KLHL20: variants seen among roughly 807,000 people sequenced by gnomAD.
KLHL20 encodes kelch like family member 20.
Under a neutral mutation model 69.5 loss-of-function variants are expected in KLHL20, and 29 were observed. That is an observed-to-expected ratio of 0.42 (90% CI 0.31 to 0.57). The LOEUF (loss-of-function observed/expected upper bound fraction) is 0.57. Among genes scored for constraint, KLHL20 ranks in the 20% least tolerant of loss-of-function variants. The pLI is 0.18. For missense variants in KLHL20, 419 were observed against 776.0 expected (o/e 0.54, Z 5.47); for synonymous variants, 253 against 265.2 (o/e 0.95, Z 0.45).
chr1:173,731,858 G>A (rs1672294158), intron 2 of KLHL20, among the ~76,000 whole-genome samples: 1 of 151,908 alleles, frequency 6.6e-6, no homozygotes, highest in African/African-American at 2.4e-5. Context: ...AAAACTTAAA[G>A]TATAATTAAA....
At chr1:173,772,317 C>T (rs1379566361) in intron 8 of KLHL20, among the ~76,000 whole-genome samples, 1 of 152,184 alleles carries the variant, frequency 6.6e-6, no homozygotes, top group Non-Finnish European at 1.5e-5. Context: ...CAAAAAGACT[C>T]AGGAGCCAAC....
chr1:173,726,699 G>C (rs1671982303), intron 2 of KLHL20, among the ~76,000 whole-genome samples: 1 of 152,178 alleles, frequency 6.6e-6, no homozygotes, highest in Non-Finnish European at 1.5e-5. Flanking sequence ...CTGAGTGTTA[G>C]AAGGAAAACT....
intron 3 of KLHL20, among the ~76,000 whole-genome samples, chr1:173,744,260 T>C (rs945019919): frequency 6.6e-6 from 1 of 152,156 alleles, no homozygotes; most frequent in African/African-American, 2.4e-5. Flanking sequence ...TTGAACATCT[T>C]TACTATTTTT....
At chr1:173,716,905 T>C (rs1671490859) in intron 2 of KLHL20, among the ~76,000 whole-genome samples, 1 of 152,344 alleles carries the variant, frequency 6.6e-6, no homozygotes, top group South Asian at 2.1e-4. Flanking sequence ...TATTGGTTTA[T>C]CAATTGACCT....
intron 7 of KLHL20, among the ~76,000 whole-genome samples, chr1:173,758,324 C>T (rs1335810533): frequency 2.0e-5 from 3 of 151,696 alleles, no homozygotes; most frequent in African/African-American, 7.3e-5. Context: ...TTGATGACAT[C>T]ACAGAAGGGA....
intron 8 of KLHL20, among the ~76,000 whole-genome samples, chr1:173,769,997 T>C (rs901325337): frequency 6.6e-6 from 1 of 152,020 alleles, no homozygotes; most frequent in Admixed American, 6.5e-5. Flanking sequence ...TTAGAAAAAC[T>C]GTCACAAACC....
At chr1:173,775,365 T>G (rs1648388591) in intron 9 of KLHL20, among the ~76,000 whole-genome samples, 1 of 152,190 alleles carries the variant, frequency 6.6e-6, no homozygotes, top group Non-Finnish European at 1.5e-5. Context: ...CTGAGAGTCA[T>G]GTAGCTAATT....
At chr1:173,775,274 T>G (rs1166101806) in intron 9 of KLHL20, among the ~76,000 whole-genome samples, 1 of 152,222 alleles carries the variant, frequency 6.6e-6, no homozygotes, top group East Asian at 1.9e-4. Context: ...GTTGTCTGAT[T>G]ATGATGATAA....
intron 2 of KLHL20, among the ~76,000 whole-genome samples, chr1:173,727,643 C>A (rs972032583): frequency 2.0e-5 from 3 of 152,098 alleles, no homozygotes; most frequent in Non-Finnish European, 4.4e-5. Flanking sequence ...TCATATCCAG[C>A]CAAACTAAGC....
chr1:173,740,826 G>A (rs142461062), intron 3 of KLHL20, among the ~76,000 whole-genome samples: 1 of 151,662 alleles, frequency 6.6e-6, no homozygotes, highest in African/African-American at 2.4e-5. Flanking sequence ...TTGCCCCCCC[G>A]GATTCTGCCC....
intron 4 of KLHL20, among the ~76,000 whole-genome samples, chr1:173,752,234 C>CA (rs202105334): frequency 0.016 from 1,826 of 116,818 alleles, 11 homozygotes; most frequent in African/African-American, 0.029. Context: ...GACTCCATCT[C>CA]AAAAAAAAAA....
intron 3 of KLHL20, among the ~76,000 whole-genome samples, chr1:173,745,309 T>C (rs1187080194): frequency 6.6e-6 from 1 of 151,110 alleles, no homozygotes; most frequent in Non-Finnish European, 1.5e-5. Context: ...ATTACAGGCG[T>C]GCACCACCAG....
rs371801561 is a variant in KLHL20 at position 173,756,970 on chromosome 1, C to T, written c.968-6C>T. On this transcript the variant is annotated splice_polypyrimidine_tract_variant and splice_region_variant and intron_variant, in intron 6 of 11. Transcript: ENST00000209884. ...ATTCTCTTGACCATTTCTGTTACTT[C>T]CCCAGTTGGTGGTTGGTGCAGTGGA... 1 of 1,611,984 alleles carries T rather than the reference C, an allele frequency of 6.2e-7. No homozygotes were observed. Among genetic ancestry groups the T allele is most frequent in the East Asian group, 2.2e-5 (1 of 44,850 alleles).
intron 8 of KLHL20, among the ~76,000 whole-genome samples, chr1:173,771,155 G>A (rs1648066360): frequency 6.6e-6 from 1 of 152,208 alleles, no homozygotes; most frequent in Admixed American, 6.5e-5. Flanking sequence ...AAAGGGCACA[G>A]ACAACTATTA....
In KLHL20 at chr1:173,771,931, G is replaced by A. The variant is rs573323887; in HGVS notation, c.1296-2374G>A. On this transcript the variant is annotated intron_variant, in intron 8 of 11. Transcript: ENST00000209884. Reference sequence around the variant, plus strand: ...GTTATGTGTATAAATGTAGAATAAAGGAAATGAGTATGCATTATTCTAATT... The same window carrying A: ...GTTATGTGTATAAATGTAGAATAAAAGAAATGAGTATGCATTATTCTAATT... 2.0e-5 allele frequency among the ~76,000 whole-genome samples: 3 copies of A among 152,298 alleles called. No individual in the cohort carries two copies. In the East Asian group the frequency reaches 5.8e-4, roughly 29 times the overall value.
chr1:173,742,173 A>C (rs1467339219), intron 3 of KLHL20, among the ~76,000 whole-genome samples: 1 of 152,238 alleles, frequency 6.6e-6, no homozygotes, highest in Non-Finnish European at 1.5e-5. Flanking sequence ...CATCAAAGTA[A>C]CATTTTTTAT....
At chr1:173,742,273 T>C (rs1672839832) in intron 3 of KLHL20, among the ~76,000 whole-genome samples, 1 of 152,186 alleles carries the variant, frequency 6.6e-6, no homozygotes, top group Non-Finnish European at 1.5e-5. Flanking sequence ...TATAAATTAG[T>C]ACAACCCTTT....
At chr1:173,784,593 A>G (rs776586443) in intron 11 of KLHL20, among the ~76,000 whole-genome samples, 6 of 152,340 alleles carry the variant, frequency 3.9e-5, no homozygotes, top group Non-Finnish European at 7.3e-5. Flanking sequence ...ACTCTACCTC[A>G]TAGCTGATAA....
At chr1:173,756,744 A>AT (rs1262814925) in intron 6 of KLHL20, among the ~76,000 whole-genome samples, 10 of 152,172 alleles carry the variant, frequency 6.6e-5, no homozygotes, top group Non-Finnish European at 1.3e-4. Flanking sequence ...TCCTATGTGA[A>AT]TTGGTATCAT....
Sources: allele counts gnomAD v4.1 joint callset (sites outside exome capture counted in the v4.1 genomes callset), GRCh38; gene constraint gnomAD v4.1.1; transcripts MANE v1.5; gene names NCBI Gene and HGNC (gene_info 2026-07-23, HGNC 2026-07-21).